TMEM245: variants seen among roughly 807,000 people sequenced by gnomAD.
TMEM245 encodes the protein transmembrane protein 245.
In TMEM245, 69 loss-of-function variants were observed where a neutral mutation model predicts 101.2. The observed-to-expected ratio is 0.68, with a 90% confidence interval of 0.56 to 0.83. TMEM245 has a LOEUF of 0.83. TMEM245 is among the 40% of genes least tolerant of loss of function. TMEM245 has a pLI of 0.00. For synonymous variants in TMEM245, 537 were observed against 449.8 expected (o/e 1.19, Z -2.45); for missense variants, 1,075 against 1,092.8 (o/e 0.98, Z 0.23).
intron 9 of TMEM245, among the ~76,000 whole-genome samples, chr9:109,066,973 T>C (rs996024349): frequency 2.6e-5 from 4 of 151,590 alleles, no homozygotes; most frequent in African/African-American, 9.7e-5. Flanking sequence ...GGACAATTGC[T>C]TGAACCCAGG....
In TMEM245 at chr9:109,085,987, G is replaced by T; in HGVS notation, c.1344+10C>A. The T allele has an allele frequency of 6.2e-7, 1 of 1,613,952 alleles. No homozygotes were observed. The highest frequency in any genetic ancestry group is 8.5e-7 in the Non-Finnish European group (1 of 1,179,840). On this transcript the variant is annotated intron_variant, in intron 7 of 17. Coordinates refer to ENST00000374586, the MANE Select transcript of TMEM245 (RefSeq NM_032012.4). The stretch of plus-strand genomic sequence containing the variant: ...CAATAGTAAAAACCAACATCTGGGT[G>T]TTCATTTACCTTCTTATTTAGCCAG...
At chr9:109,095,249 A>C (rs1453773488) in intron 3 of TMEM245, among the ~76,000 whole-genome samples, 1 of 152,248 alleles carries the variant, frequency 6.6e-6, no homozygotes, top group Non-Finnish European at 1.5e-5. Flanking sequence ...AAGGGCTGAC[A>C]GAGAAAAACA....
chr9:109,051,295 AACACACACAC>A (rs67093439), intron 12 of TMEM245, among the ~76,000 whole-genome samples: 43 of 135,232 alleles, frequency 3.2e-4, no homozygotes, highest in South Asian at 1.3e-3. Flanking sequence ...TCTGTCTCAA[AACACACACAC>A]ACACACACAC....
intron 17 of TMEM245, among the ~76,000 whole-genome samples, chr9:109,027,564 C>T (rs919048857): frequency 6.6e-6 from 1 of 152,134 alleles, no homozygotes; most frequent in African/African-American, 2.4e-5. Context: ...AATATACAAG[C>T]CCAAAAAGGG....
chr9:109,088,522 T>A (rs1217572814), intron 5 of TMEM245, among the ~76,000 whole-genome samples: 1 of 151,048 alleles, frequency 6.6e-6, no homozygotes, highest in Non-Finnish European at 1.5e-5. Context: ...AATAAAATCA[T>A]CTGGAAAAAA....
chr9:109,106,488 T>C lies in TMEM245; in HGVS notation c.799+20A>G, dbSNP rs369646758. The C allele has an allele frequency of 6.5e-6, 10 of 1,534,188 alleles. No individual in the cohort carries two copies. The highest frequency in any genetic ancestry group is 3.5e-5 in the Admixed American group (2 of 56,846). On this transcript the variant is annotated intron_variant, in intron 3 of 17. Coordinates refer to ENST00000374586, the MANE Select transcript of TMEM245 (RefSeq NM_032012.4). The stretch of plus-strand genomic sequence containing the variant: ...AAAATACTTCAAAGAGTAGTATTAA[T>C]AGAATGCCCTATTTCTTACCAGAAG...
chr9:109,083,112 A>C (rs1430598620), intron 7 of TMEM245, among the ~76,000 whole-genome samples: 1 of 139,258 alleles, frequency 7.2e-6, no homozygotes, highest in Non-Finnish European at 1.6e-5. Context: ...AAGGTCAAGC[A>C]AAAAAAAAAT....
chr9:109,062,876 G>A (rs1418156592), intron 10 of TMEM245, among the ~76,000 whole-genome samples: 2 of 151,960 alleles, frequency 1.3e-5, no homozygotes, highest in Non-Finnish European at 2.9e-5. Context: ...AGGCTGAAGT[G>A]GTAGGATCAC....
intron 14 of TMEM245, among the ~76,000 whole-genome samples, chr9:109,041,453 A>AT (rs1193341550): frequency 0.26 from 21,556 of 83,198 alleles, 5,383 homozygotes; most frequent in African/African-American, 0.35. Flanking sequence ...CATCCTACAA[A>AT]TTTTTTTTTT....
chr9:109,060,630 C>A (rs1043898794), intron 10 of TMEM245, among the ~76,000 whole-genome samples, 178 bp from the exon 11 acceptor site: 1 of 152,030 alleles, frequency 6.6e-6, no homozygotes, highest in Non-Finnish European at 1.5e-5. Flanking sequence ...AGTAAATTTC[C>A]TTTCTCATGT....
intron 1 of TMEM245, among the ~76,000 whole-genome samples, chr9:109,117,832 G>C (rs931676417): frequency 2.6e-5 from 4 of 152,198 alleles, no homozygotes; most frequent in African/African-American, 4.8e-5. Context: ...TGACAAAACT[G>C]AATTTCTTCA....
At position 109,033,345 on chromosome 9, in the gene TMEM245, G is replaced by A. The variant is rs1475027472; in HGVS notation, c.2556C>T (p.Pro852=). ...AMLVSPTNSV[P]TPNQTPWPAQ... ...CAGGCCATGGGGTCTGGTTTGGCGTGGGAACTGAATTCGTGGGACTCACTA... is the reference window on the plus strand; with the variant it reads ...CAGGCCATGGGGTCTGGTTTGGCGTAGGAACTGAATTCGTGGGACTCACTA... Residue 852 remains proline, a synonymous_variant, in exon 17 of 18, where the codon CCC becomes CCT. Transcript: ENST00000374586. 1 of 1,613,276 alleles carries A rather than the reference G, an allele frequency of 6.2e-7. No individual in the cohort carries two copies. Among genetic ancestry groups the A allele is most frequent in the African/African-American group, 1.3e-5 (1 of 74,904 alleles).
chr9:109,079,687 TTAAAAGA>T (rs1829613108), intron 8 of TMEM245, among the ~76,000 whole-genome samples: 1 of 151,534 alleles, frequency 6.6e-6, no homozygotes, highest in African/African-American at 2.4e-5. Flanking sequence ...GAAAAAGGAC[TTAAAAGA>T]TAAAACTGAG....
At chr9:109,101,013 C>T (rs980602641) in intron 3 of TMEM245, among the ~76,000 whole-genome samples, 16 of 152,080 alleles carry the variant, frequency 1.1e-4, no homozygotes, top group African/African-American at 1.7e-4. Flanking sequence ...TTTTCTGAGG[C>T]GGAGGTGGGA....
chr9:109,092,170 G>A (rs907076068), intron 4 of TMEM245, among the ~76,000 whole-genome samples: 2 of 152,194 alleles, frequency 1.3e-5, no homozygotes, highest in African/African-American at 4.8e-5. Flanking sequence ...GACCTTGTCT[G>A]TTTTGTTCTC....
chr9:109,108,612 G>A, intron 1 of TMEM245, 42 bp from the exon 2 acceptor site: 1 of 1,392,698 alleles, frequency 7.2e-7, no homozygotes, highest in Non-Finnish European at 1.0e-6. Context: ...CTATACACGT[G>A]AAAATGAACA....
At chr9:109,092,514 C>T (rs1830034363) in intron 4 of TMEM245, among the ~76,000 whole-genome samples, 2 of 152,220 alleles carry the variant, frequency 1.3e-5, no homozygotes. Flanking sequence ...AATTTGGAAA[C>T]TTCATGATGG....
At chr9:109,090,541 T>A (rs762237811) in intron 5 of TMEM245, among the ~76,000 whole-genome samples, 3 of 151,698 alleles carry the variant, frequency 2.0e-5, no homozygotes, top group Non-Finnish European at 2.9e-5. Flanking sequence ...GCTAACATGG[T>A]GAAACGCTGT....
Position 109,075,112 on chromosome 9 carries a change from T to C in TMEM245, c.1450-1674A>G, listed in dbSNP as rs569715292. Among the ~76,000 whole-genome samples, 17 of 152,322 alleles carry C rather than the reference T, an allele frequency of 1.1e-4. No homozygotes were observed. In the South Asian group the frequency reaches 3.1e-3, roughly 28 times the overall value. On this transcript the variant is annotated intron_variant, in intron 8 of 17. Coordinates refer to ENST00000374586, the MANE Select transcript of TMEM245 (RefSeq NM_032012.4). ...GGAACAATTCAAGAGAGAACGGGGA[T>C]AGCTTTGAGCAGGACAGTAGCGGTA...
Sources: gnomAD v4.1 joint callset for allele counts (sites outside exome capture counted in the v4.1 genomes callset) on GRCh38, gnomAD v4.1.1 for gene constraint, MANE v1.5 for transcripts, NCBI Gene and HGNC (gene_info 2026-07-23, HGNC 2026-07-21) for gene names.